FUBP1: variants seen among roughly 807,000 people sequenced by gnomAD.
FUBP1 encodes far upstream element binding protein 1, also known as far upstream element-binding protein 1.
Under a neutral mutation model 94.9 loss-of-function variants are expected in FUBP1, and 16 were observed. The ratio of observed to expected loss-of-function variants is 0.17; its 90% CI spans 0.11 to 0.26. The LOEUF (loss-of-function observed/expected upper bound fraction) is 0.26, where lower values mean the gene tolerates loss of function less well. Among genes scored for constraint, FUBP1 ranks in the 10% least tolerant of loss-of-function variants. FUBP1 has a pLI of 1.00. For synonymous variants in FUBP1, 279 were observed against 254.9 expected, an observed-to-expected ratio of 1.09 and a Z score of -0.90; for missense variants, 583 against 808.6, an observed-to-expected ratio of 0.72 and a Z score of 3.38.
intron 14 of FUBP1, 76 bp from the exon 15 acceptor site, chr1:77,960,571 T>A: frequency 8.3e-7 from 1 of 1,197,930 alleles, no homozygotes; most frequent in East Asian, 2.6e-5. Context: ...CAAATAATCA[T>A]CCATTTCTAC....
chr1:77,952,122 T>C (rs2102264538), intron 18 of FUBP1, among the ~76,000 whole-genome samples: 1 of 152,190 alleles, frequency 6.6e-6, no homozygotes, highest in Middle Eastern at 3.4e-3. Context: ...ATCAAGATTT[T>C]CTCTACTTGG....
Position 77,955,227 on chromosome 1 carries a change from G to T in FUBP1, c.1780+28C>A, listed in dbSNP as rs760931594. On this transcript the variant is annotated intron_variant, in intron 18 of 19. Transcript: ENST00000370768. ...AATTTGTTTCAATTTAATTAAGTAT[G>T]TATTTTCAAGAAATGTATAAAACAT... 1.1e-5 allele frequency: 10 copies of T among 908,174 alleles called. No homozygotes were observed. The African/African-American group carries it at 1.3e-4, about 12-fold the overall frequency. The allele number at this position is 908,174 out of a possible 1,614,324, so 56.3% of individuals were successfully genotyped here.
intron 19 of FUBP1, 132 bp downstream of exon 19, chr1:77,949,023 G>T: frequency 1.0e-6 from 1 of 960,360 alleles, no homozygotes; most frequent in Non-Finnish European, 1.6e-6. Context: ...ATACACCGTA[G>T]TACTTCATTT....
At chr1:77,973,961 GC>G (rs764945719) in intron 1 of FUBP1, among the ~76,000 whole-genome samples, 1 of 151,908 alleles carries the variant, frequency 6.6e-6, no homozygotes, top group Non-Finnish European at 1.5e-5. Context: ...TCAGGCTGTT[GC>G]CCAAGGATGT....
At chr1:77,955,444 A>C in intron 17 of FUBP1, 115 bp from the exon 18 acceptor site, 3 of 667,386 alleles carry the variant, frequency 4.5e-6, no homozygotes, top group Non-Finnish European at 8.2e-6. Flanking sequence ...TGAGGGTAGG[A>C]GGGAAGTACT....
At chr1:77,950,646 T>A (rs1653277608) in intron 18 of FUBP1, among the ~76,000 whole-genome samples, 1 of 152,072 alleles carries the variant, frequency 6.6e-6, no homozygotes, top group South Asian at 2.1e-4. Flanking sequence ...GAAGAGAGAG[T>A]ATATGTTCTC....
chr1:77,970,087 T>C (rs1414493636), intron 1 of FUBP1, 72 bp from the exon 2 acceptor site: 6 of 661,264 alleles, frequency 9.1e-6, no homozygotes, highest in Non-Finnish European at 1.2e-5. Context: ...CCCCATTTAC[T>C]TCCTGATACA....
At chr1:77,966,644 G>C in intron 7 of FUBP1, 50 bp downstream of exon 7, 1 of 885,988 alleles carries the variant, frequency 1.1e-6, no homozygotes, top group Non-Finnish European at 1.9e-6. Context: ...AAAATTCAAA[G>C]AGTTCTGCTG....
chr1:77,974,421 C>G (rs903515255), intron 1 of FUBP1, among the ~76,000 whole-genome samples: 1 of 152,052 alleles, frequency 6.6e-6, no homozygotes, highest in African/African-American at 2.4e-5. Context: ...CGTGAGCCAC[C>G]GCGCCCAGCC....
chr1:77,970,272 G>A (rs1222437005), intron 1 of FUBP1, among the ~76,000 whole-genome samples: 4 of 151,988 alleles, frequency 2.6e-5, no homozygotes, highest in East Asian at 3.9e-4. Flanking sequence ...CTAGGAATCC[G>A]GAAGAGAGAC....
chr1:77,958,786 A>G (rs939930170), intron 16 of FUBP1, among the ~76,000 whole-genome samples: 1 of 152,222 alleles, frequency 6.6e-6, no homozygotes, highest in African/African-American at 2.4e-5. Flanking sequence ...GGCAGATCCA[A>G]GTTACCCAAT....
upstream of FUBP1, chr1:77,979,294 G>A (rs1659385308): frequency 5.0e-6 from 2 of 396,488 alleles, no homozygotes; most frequent in Non-Finnish European, 9.3e-6. Flanking sequence ...CGTTCTTGGG[G>A]TGAGGCTGGG....
chr1:77,979,156 G>T, upstream of FUBP1: 1 of 765,620 alleles, frequency 1.3e-6, no homozygotes, highest in South Asian at 1.9e-5. Flanking sequence ...ACAAAATCTC[G>T]CGATGTTTCC....
intron 16 of FUBP1, among the ~76,000 whole-genome samples, chr1:77,959,313 G>A (rs1185185933): frequency 1.3e-5 from 2 of 152,066 alleles, no homozygotes; most frequent in Non-Finnish European, 2.9e-5. Context: ...ACAGGGTATG[G>A]AAAGATGCCA....
In FUBP1 at chr1:77,948,134, A is replaced by G; in HGVS notation, c.*632T>C. 1 of 1,039,528 alleles carries G rather than the reference A, an allele frequency of 9.6e-7. No individual in the cohort carries two copies. Among genetic ancestry groups the G allele is most frequent in the Non-Finnish European group, 1.2e-6 (1 of 862,686 alleles). 64.4% of individuals were successfully genotyped at this position (1,039,528 alleles called of 1,614,324 possible). A position where few individuals can be genotyped will look rare whatever the true frequency, so the allele number is the denominator to read the frequency against. On this transcript the variant is annotated 3_prime_UTR_variant, in exon 20 of 20. Coordinates refer to ENST00000370768, the MANE Select transcript of FUBP1 (RefSeq NM_003902.5). Reference sequence around the variant, plus strand: ...CTGTTAATGCAATGGAAGTATGCCAAAAGATCATTGTACACACATGCAGTT... The same window carrying G: ...CTGTTAATGCAATGGAAGTATGCCAGAAGATCATTGTACACACATGCAGTT...
At chr1:77,958,961 T>C (rs1654967542) in intron 16 of FUBP1, among the ~76,000 whole-genome samples, 1 of 152,228 alleles carries the variant, frequency 6.6e-6, no homozygotes, top group Non-Finnish European at 1.5e-5. Context: ...TTGCTTACGC[T>C]GGGAGTGCAT....
Position 77,946,914 on chromosome 1 carries a change from A to G in FUBP1, c.*1852T>C, listed in dbSNP as rs1652276241. ...ATAAAACAATCAAAAACATTTCAAA[A>G]TATCTACAATGAACTGTACTGCTAT... On this transcript the variant is annotated 3_prime_UTR_variant, in exon 20 of 20. Transcript: ENST00000370768. The G allele has an allele frequency of 4.9e-6, 1 of 203,972 alleles. No individual in the cohort carries two copies. Among genetic ancestry groups the G allele is most frequent in the East Asian group, 7.5e-5 (1 of 13,304 alleles). 12.6% of individuals were successfully genotyped at this position (203,972 alleles called of 1,614,324 possible). A position where few individuals can be genotyped will look rare whatever the true frequency, so the allele number is the denominator to read the frequency against.
chr1:77,967,333 C>T (rs1266742791), intron 4 of FUBP1, among the ~76,000 whole-genome samples: 1 of 152,146 alleles, frequency 6.6e-6, no homozygotes, highest in African/African-American at 2.4e-5. Context: ...AGTCTGAAGG[C>T]ATTAACTGTA....
rs1244295456 is a variant in FUBP1 at position 77,956,653 on chromosome 1, C to T, written c.1624G>A (p.Ala542Thr). ...TGTGCTTGCTGTTGATAATAGTGAG[C>T]GTAATAAGCAGCCCAAGCTGCTGAA... The part of the protein sequence containing the change: ...PNSAAWAAYY[A>T]HYYQQQAQPP... The change falls in exon 17 of 20, where the codon GCT (alanine) becomes ACT (threonine). Residue 542 changes from alanine to threonine, a missense_variant. Physicochemically the swap from Ala to Thr is moderately conservative, Grantham distance 58. Transcript: ENST00000370768. The T allele has an allele frequency of 6.2e-6, 10 of 1,610,622 alleles. No homozygotes were observed. The East Asian group carries it at 6.7e-5, about 11-fold the overall frequency.
Sources: allele counts gnomAD v4.1 joint callset (sites outside exome capture counted in the v4.1 genomes callset), GRCh38; gene constraint gnomAD v4.1.1; transcripts MANE v1.5; gene names NCBI Gene and HGNC (gene_info 2026-07-23, HGNC 2026-07-21).